Variants in CEACAM21 observed in about 807,000 individuals in gnomAD.
The protein encoded by CEACAM21 is cell adhesion molecule CEACAM21.
A neutral mutation model predicts 33.2 loss-of-function variants in CEACAM21; 38 were observed. That is an observed-to-expected ratio of 1.14 (90% confidence interval 0.88 to 1.50). The LOEUF is 1.50. Among genes scored for constraint, CEACAM21 ranks in the 40% most tolerant of loss-of-function variants. CEACAM21 has a pLI of 0.00. For missense variants in CEACAM21, 385 were observed against 364.6 expected (o/e 1.06, Z -0.46); for synonymous variants, 156 against 143.0 (o/e 1.09, Z -0.65).
At chr19:41,562,762 G>C (rs1347940076) in intron 1 of CEACAM21, among the ~76,000 whole-genome samples, 3 of 151,344 alleles carry the variant, frequency 2.0e-5, no homozygotes, top group Non-Finnish European at 4.4e-5. Flanking sequence ...AGAGTCTGGC[G>C]CTGTCGCCCA....
chr19:41,578,158 C>T (rs2043093081), intron 2 of CEACAM21, among the ~76,000 whole-genome samples: 1 of 152,140 alleles, frequency 6.6e-6, no homozygotes. Flanking sequence ...GTGGAGAGGA[C>T]AGACAAACAA....
At chr19:41,573,433 C>T (rs782365344), upstream of CEACAM21, among the ~76,000 whole-genome samples, 1 of 152,220 alleles carries the variant, frequency 6.6e-6, no homozygotes, top group Non-Finnish European at 1.5e-5. Context: ...GCTACTTTCA[C>T]CCTGCTGAGC....
At chr19:41,558,884 C>A (rs1452171486) in intron 1 of CEACAM21, among the ~76,000 whole-genome samples, 1 of 152,056 alleles carries the variant, frequency 6.6e-6, no homozygotes, top group Admixed American at 6.5e-5. Context: ...TTTAGTAAGC[C>A]TTAATTAAAC....
intron 3 of CEACAM21, among the ~76,000 whole-genome samples, chr19:41,581,669 G>A (rs2043397290): frequency 6.6e-6 from 1 of 152,140 alleles, no homozygotes; most frequent in African/African-American, 2.4e-5. Context: ...GTCTTACATG[G>A]CGGCAGGCAA....
intron 1 of CEACAM21, among the ~76,000 whole-genome samples, chr19:41,556,612 T>C (rs942070933): frequency 6.6e-6 from 1 of 152,252 alleles, no homozygotes; most frequent in Non-Finnish European, 1.5e-5. Flanking sequence ...AAAGGTAATC[T>C]CACCAATACT....
At chr19:41,575,172 G>A (rs1555790578), upstream of CEACAM21, among the ~76,000 whole-genome samples, 1 of 144,578 alleles carries the variant, frequency 6.9e-6, no homozygotes, top group East Asian at 2.3e-4. Context: ...GAGGCTACCA[G>A]TGGGTGGGGC....
At chr19:41,577,053 G>A in intron 1 of CEACAM21, 147 bp from the exon 2 acceptor site, 1 of 818,264 alleles carries the variant, frequency 1.2e-6, no homozygotes, top group Non-Finnish European at 1.9e-6. Context: ...AGGAATGAGG[G>A]TCATGCTGCT....
At chr19:41,575,687 G>A (rs974295577), upstream of CEACAM21, among the ~76,000 whole-genome samples, 19 of 152,094 alleles carry the variant, frequency 1.2e-4, no homozygotes, top group Admixed American at 6.5e-5. Context: ...GGATCCTCCC[G>A]AGACCTCCAG....
chr19:41,576,655 A>T (rs2042968845), intron 1 of CEACAM21, among the ~76,000 whole-genome samples: 1 of 152,204 alleles, frequency 6.6e-6, no homozygotes, highest in Non-Finnish European at 1.5e-5. Context: ...TGCCAACCTC[A>T]GACATTAGCA....
intron 2 of CEACAM21, among the ~76,000 whole-genome samples, chr19:41,566,327 A>G (rs1331768037): frequency 6.6e-6 from 1 of 152,236 alleles, no homozygotes; most frequent in Non-Finnish European, 1.5e-5. Context: ...ATTCTATAGG[A>G]AAGGCAATTT....
intron 1 of CEACAM21, chr19:41,552,282 G>A (rs1366406894): frequency 6.6e-6 from 1 of 152,138 alleles, no homozygotes; most frequent in Non-Finnish European, 1.5e-5. Context: ...AATCACAGAG[G>A]TTTGGGGGGG....
At chr19:41,577,176 A>G (rs530128209) in intron 1 of CEACAM21, 24 bp from the exon 2 acceptor site, 1 of 1,613,092 alleles carries the variant, frequency 6.2e-7, no homozygotes, top group African/African-American at 1.3e-5. Context: ...TCAAATATTG[A>G]CTGATATTCT....
chr19:41,576,148 C>A, upstream of CEACAM21: 1 of 1,127,006 alleles, frequency 8.9e-7, no homozygotes, highest in Non-Finnish European at 1.3e-6. Flanking sequence ...AGTGCTCCTG[C>A]CTGAGAGGAA....
intron 1 of CEACAM21, among the ~76,000 whole-genome samples, chr19:41,562,810 G>C (rs1177642057): frequency 6.6e-6 from 1 of 151,970 alleles, no homozygotes; most frequent in African/African-American, 2.4e-5. Context: ...CGCAGTGCAA[G>C]CTCCACCTCC....
chr19:41,580,490 A>C (rs897223383), intron 3 of CEACAM21, among the ~76,000 whole-genome samples: 7 of 152,086 alleles, frequency 4.6e-5, no homozygotes, highest in African/African-American at 1.2e-4. Flanking sequence ...GCTTCTTATG[A>C]CTGGCTTCAC....
intron 1 of CEACAM21, among the ~76,000 whole-genome samples, chr19:41,563,732 A>C (rs2042054245): frequency 6.6e-6 from 1 of 152,230 alleles, no homozygotes; most frequent in Non-Finnish European, 1.5e-5. Context: ...GGTTGTCACC[A>C]ACCTGCCTTG....
intron 3 of CEACAM21, among the ~76,000 whole-genome samples, chr19:41,581,475 A>T (rs2043379742): frequency 6.6e-6 from 1 of 152,098 alleles, no homozygotes; most frequent in Non-Finnish European, 1.5e-5. Context: ...ACACCTCTAT[A>T]TTTCTATGTG....
rs2070661613 is a variant in CEACAM21, at chr19:41,585,453, C to G, written c.808C>G (p.Gln270Glu). 1 of 1,613,730 alleles carries G rather than the reference C, an allele frequency of 6.2e-7. No individual in the cohort carries two copies. Among genetic ancestry groups the G allele is most frequent in the African/African-American group, 1.3e-5 (1 of 74,876 alleles). ...LLRKTGRASDQSDFREQQPPA... is the reference protein window; with the variant it reads ...LLRKTGRASDESDFREQQPPA... Reference sequence around the variant, plus strand: ...CCTGACCTTTCCTAGGGCCAGCGATCAGAGTGACTTCAGGGAGCAGCAGCC... The same window carrying G: ...CCTGACCTTTCCTAGGGCCAGCGATGAGAGTGACTTCAGGGAGCAGCAGCC... The change falls in exon 5 of 7, where the codon CAG becomes GAG. Residue 270 changes from glutamine (Q) to glutamate (E), a missense_variant. Transcript: ENST00000401445.
chr19:41,580,472 C>T (rs1458552562), intron 3 of CEACAM21, among the ~76,000 whole-genome samples: 1 of 152,184 alleles, frequency 6.6e-6, no homozygotes, highest in Non-Finnish European at 1.5e-5. Context: ...CAAGTCTGGG[C>T]CTCCAGAGCT....
Sources: allele counts gnomAD v4.1 joint callset (sites outside exome capture counted in the v4.1 genomes callset), GRCh38; gene constraint gnomAD v4.1.1; transcripts MANE v1.5; gene names NCBI Gene and HGNC (gene_info 2026-07-23, HGNC 2026-07-21).